The following TRAPPC8 variants were observed in gnomAD, a reference collection of about 807,000 sequenced individuals.
TRAPPC8 encodes general sporulation gene 1 homolog.
Under a neutral mutation model 174.3 loss-of-function variants are expected in TRAPPC8, and 54 were observed. The ratio of observed to expected loss-of-function variants is 0.31; its 90% CI spans 0.25 to 0.39. TRAPPC8 has a LOEUF of 0.39. TRAPPC8 is among the 10% of genes least tolerant of loss of function. The pLI is 1.00. For missense variants in TRAPPC8, 1,531 were observed against 1,699.1 expected (o/e 0.90, Z 1.74); for synonymous variants, 630 against 579.9 (o/e 1.09, Z -1.24).
At position 31,943,066 on chromosome 18, in the gene TRAPPC8, G is replaced by C; in HGVS notation, c.-302C>G. 1 of 467,472 alleles carries C rather than the reference G, an allele frequency of 2.1e-6. No homozygotes were observed. The highest frequency in any genetic ancestry group is 3.5e-6 in the Non-Finnish European group (1 of 287,728). 29.0% of individuals were successfully genotyped at this position (467,472 alleles called of 1,614,324 possible). A position where few individuals can be genotyped will look rare whatever the true frequency, so the allele number is the denominator to read the frequency against. ...TTAGTCCTTCGGACGGCAAAACCTT[G>C]GTCACTGCCCGGCCGGAACCGCCAT... is the stretch of plus-strand genomic sequence containing the variant. On this transcript the variant is annotated 5_prime_UTR_variant, in exon 1 of 29. Coordinates refer to ENST00000283351, the MANE Select transcript of TRAPPC8 (RefSeq NM_014939.5).
chr18:31,916,846 CAAAA>C (rs5823825), intron 3 of TRAPPC8, among the ~76,000 whole-genome samples: 4 of 126,896 alleles, frequency 3.2e-5, no homozygotes, highest in Middle Eastern at 4.1e-3. Context: ...ATTTTCACAG[CAAAA>C]AAAAAAAAAA....
At position 31,836,957 on chromosome 18, in the gene TRAPPC8, T is replaced by C. The variant is rs1199760372; in HGVS notation, c.3983+2355A>G. Among the ~76,000 whole-genome samples the C allele has an allele frequency of 2.6e-5, 4 of 151,932 alleles. No individual in the cohort carries two copies. The East Asian group carries it at 7.8e-4, about 30-fold the overall frequency. On this transcript the variant is annotated intron_variant, in intron 27 of 28. Coordinates refer to ENST00000283351, the MANE Select transcript of TRAPPC8 (RefSeq NM_014939.5). ...TTTTGTATTTTTAGTAGAGATGGGG[T>C]TTCACCGTGTTAGCCAGGATGGTCT...
chr18:31,839,948 C>T (rs2032997570), intron 26 of TRAPPC8, among the ~76,000 whole-genome samples: 1 of 152,098 alleles, frequency 6.6e-6, no homozygotes, highest in Admixed American at 6.5e-5. Context: ...ATAGTATAAT[C>T]TATACTATAA....
chr18:31,929,319 C>G (rs2037755041), intron 2 of TRAPPC8, among the ~76,000 whole-genome samples: 1 of 151,996 alleles, frequency 6.6e-6, no homozygotes, highest in Admixed American at 6.6e-5. Context: ...TTTGAGAGGC[C>G]AGGGTGAGAG....
chr18:31,908,994 G>C lies in TRAPPC8; in HGVS notation c.882C>G (p.Asn294Lys), dbSNP rs1330132315. The C allele has an allele frequency of 1.2e-6, 2 of 1,606,056 alleles. No individual in the cohort carries two copies. The highest frequency in any genetic ancestry group is 1.1e-5 in the South Asian group (1 of 90,304). ...DNEVKDGLPN[N>K]FRAHPLQLEQ... ...CCAACTGAAGTGGGTGAGCTCTAAA[G>C]TTATTTGGTAAGCCATCTACTGAAA... Residue 294 changes from asparagine to lysine, a missense_variant, in exon 7 of 29, where the codon AAC becomes AAG. Asn to Lys is a moderately conservative substitution (Grantham distance 94). Transcript: ENST00000283351.
intron 12 of TRAPPC8, among the ~76,000 whole-genome samples, chr18:31,875,033 C>T (rs766901486): frequency 2.3e-4 from 35 of 152,172 alleles, no homozygotes; most frequent in Non-Finnish European, 4.3e-4. Flanking sequence ...GAGGAAAGAG[C>T]TTACTTCTCA....
intron 19 of TRAPPC8, 122 bp from the exon 20 acceptor site, chr18:31,858,104 T>C: frequency 3.8e-6 from 3 of 795,528 alleles, no homozygotes; most frequent in Non-Finnish European, 5.9e-6. Flanking sequence ...CATTAATTCT[T>C]TGGTATCTCC....
Position 31,880,417 on chromosome 18 carries a change from A to G in TRAPPC8, c.1729-5713T>C, listed in dbSNP as rs1408163818. Among the ~76,000 whole-genome samples the G allele has an allele frequency of 2.6e-5, 4 of 152,118 alleles. No homozygotes were observed. The East Asian group carries it at 7.7e-4, about 29-fold the overall frequency. ...AAACCATATGATCATCTCAATAGAT[A>G]CAGAAAAAGCATTCAATAAAGTCCA... On this transcript the variant is annotated intron_variant, in intron 12 of 28. Coordinates refer to ENST00000283351, the MANE Select transcript of TRAPPC8 (RefSeq NM_014939.5).
At chr18:31,846,057 A>G (rs2033385886) in intron 26 of TRAPPC8, among the ~76,000 whole-genome samples, 1 of 152,176 alleles carries the variant, frequency 6.6e-6, no homozygotes, top group Non-Finnish European at 1.5e-5. Flanking sequence ...TATAACAAAT[A>G]AGAAAATATA....
rs2032235351 is a variant in TRAPPC8 at position 31,829,442 on chromosome 18, A to G, written c.*1313T>C. 6.6e-6 allele frequency: 1 copy of G among 152,090 alleles called. No individual in the cohort carries two copies. The highest frequency in any genetic ancestry group is 2.4e-5 in the African/African-American group (1 of 41,390). 9.4% of individuals were successfully genotyped at this position (152,090 alleles called of 1,614,324 possible). On this transcript the variant is annotated 3_prime_UTR_variant, in exon 29 of 29. Transcript: ENST00000283351. ...CCTTAGAATGTGACCTTCCTCTCCA[A>G]CTTGTCCCACACCTGCTAAGACACA...
At chr18:31,846,404 T>C (rs573980402) in intron 26 of TRAPPC8, among the ~76,000 whole-genome samples, 4 of 152,000 alleles carry the variant, frequency 2.6e-5, no homozygotes, top group Admixed American at 2.0e-4. Context: ...TGAAACTCCA[T>C]CTCTACAAAA....
chr18:31,924,513 C>G (rs2037529170), intron 2 of TRAPPC8, among the ~76,000 whole-genome samples: 2 of 150,022 alleles, frequency 1.3e-5, no homozygotes, highest in African/African-American at 4.9e-5. Flanking sequence ...GTAATCCCAG[C>G]ACTTTGGGAG....
At chr18:31,933,559 C>T (rs1017325184) in intron 1 of TRAPPC8, among the ~76,000 whole-genome samples, 10 of 152,016 alleles carry the variant, frequency 6.6e-5, no homozygotes, top group African/African-American at 2.2e-4. Flanking sequence ...ATAATGAAGG[C>T]GGTATAGCAG....
intron 11 of TRAPPC8, among the ~76,000 whole-genome samples, chr18:31,893,839 C>A (rs963164001): frequency 9.2e-5 from 14 of 151,600 alleles, no homozygotes; most frequent in African/African-American, 3.2e-4. Flanking sequence ...TACACACACA[C>A]GAAAAAATAA....
intron 24 of TRAPPC8, among the ~76,000 whole-genome samples, chr18:31,851,544 C>T (rs1166560359): frequency 1.3e-5 from 2 of 150,262 alleles, no homozygotes; most frequent in Non-Finnish European, 3.0e-5. Context: ...GAGACAGGGT[C>T]TTGCCTTGGT....
rs199724965 is a variant in TRAPPC8, at chr18:31,857,664, T to C, written c.3064A>G (p.Thr1022Ala). 1 of 1,613,956 alleles carries C rather than the reference T, an allele frequency of 6.2e-7. No homozygotes were observed. The highest frequency in any genetic ancestry group is 8.5e-7 in the Non-Finnish European group (1 of 1,180,012). ...ACTGAGGCTCCGGGTAGAAGAACAGTGTCAGGAAGGGGAACAGGAATCACC... is the reference window on the plus strand; with the variant it reads ...ACTGAGGCTCCGGGTAGAAGAACAGCGTCAGGAAGGGGAACAGGAATCACC... Reference protein sequence around the residue: ...PEVIPVPLPDTVLLPGASVQL... With the variant: ...PEVIPVPLPDAVLLPGASVQL... Residue 1022 changes from threonine to alanine, a missense_variant, in exon 20 of 29, where the codon ACT (threonine) becomes GCT (alanine). Transcript: ENST00000283351.
At chr18:31,839,288 T>C (rs1362472224) in intron 27 of TRAPPC8, 24 bp downstream of exon 27, 2 of 1,585,330 alleles carry the variant, frequency 1.3e-6, no homozygotes, top group African/African-American at 1.4e-5. Context: ...TAGAAAATTT[T>C]GGTAACAAAA....
At chr18:31,873,834 C>A in intron 13 of TRAPPC8, 1 of 239,368 alleles carries the variant, frequency 4.2e-6, no homozygotes, top group Non-Finnish European at 8.1e-6. Flanking sequence ...TTATAGCATC[C>A]TATCTGCCAA....
At chr18:31,917,530 A>C in intron 3 of TRAPPC8, 48 bp downstream of exon 3, 2 of 1,524,268 alleles carry the variant, frequency 1.3e-6, no homozygotes, top group Non-Finnish European at 1.8e-6. Context: ...TGAGATTAAT[A>C]ACTTCCATAA....
Sources: allele counts gnomAD v4.1 joint callset (sites outside exome capture counted in the v4.1 genomes callset), GRCh38; gene constraint gnomAD v4.1.1; transcripts MANE v1.5; gene names NCBI Gene and HGNC (gene_info 2026-07-23, HGNC 2026-07-21).